The following ST6GALNAC3 variants were observed in gnomAD, a reference collection of about 807,000 sequenced individuals.
ST6GALNAC3 encodes alpha-N-acetylgalactosaminide alpha-2,6-sialyltransferase 3.
Under a neutral mutation model 32.7 loss-of-function variants are expected in ST6GALNAC3, and 25 were observed. The observed-to-expected ratio is 0.76, with a 90% CI of 0.56 to 1.07. ST6GALNAC3 has a LOEUF of 1.07. Ranked by LOEUF, ST6GALNAC3 falls within the 50% of genes least tolerant of loss-of-function variation. The pLI is 0.00. For synonymous variants in ST6GALNAC3, 129 were observed against 133.1 expected, an observed-to-expected ratio of 0.97 and a Z score of 0.21; for missense variants, 355 against 382.4, an observed-to-expected ratio of 0.93 and a Z score of 0.60.
intron 1 of ST6GALNAC3, among the ~76,000 whole-genome samples, chr1:76,095,667 A>G (rs1057358053): frequency 6.6e-6 from 1 of 152,212 alleles, no homozygotes; most frequent in African/African-American, 2.4e-5. Flanking sequence ...GCACTTAGCA[A>G]GTGTTCTATA....
At chr1:76,223,217 AG>A (rs1352377968) in intron 1 of ST6GALNAC3, among the ~76,000 whole-genome samples, 1 of 152,204 alleles carries the variant, frequency 6.6e-6, no homozygotes, top group African/African-American at 2.4e-5. Context: ...GCCATAAAAA[AG>A]AACAAGATCA....
chr1:76,583,076 A>T (rs1317449244), intron 3 of ST6GALNAC3, among the ~76,000 whole-genome samples: 2 of 152,174 alleles, frequency 1.3e-5, no homozygotes, highest in African/African-American at 4.8e-5. Context: ...TCAGAGTGCC[A>T]GCATACTCTG....
At chr1:76,383,725 G>A (rs1229182922) in intron 2 of ST6GALNAC3, among the ~76,000 whole-genome samples, 1 of 152,158 alleles carries the variant, frequency 6.6e-6, no homozygotes, top group Non-Finnish European at 1.5e-5. Flanking sequence ...ATAATGTCTA[G>A]TAAGATTAAA....
chr1:76,098,262 G>C (rs567977548), intron 1 of ST6GALNAC3, among the ~76,000 whole-genome samples: 1 of 152,136 alleles, frequency 6.6e-6, no homozygotes, highest in African/African-American at 2.4e-5. Context: ...ACATAGAAAG[G>C]CATAGTAACA....
At chr1:76,106,036 AC>A (rs1647508108) in intron 1 of ST6GALNAC3, among the ~76,000 whole-genome samples, 1 of 152,194 alleles carries the variant, frequency 6.6e-6, no homozygotes, top group Non-Finnish European at 1.5e-5. Flanking sequence ...GACATTAGGC[AC>A]TTTTCTTAAA....
chr1:76,465,692 T>C (rs1354703865), intron 3 of ST6GALNAC3, among the ~76,000 whole-genome samples: 4 of 152,038 alleles, frequency 2.6e-5, no homozygotes, highest in African/African-American at 9.7e-5. Context: ...TAGGAAAGAA[T>C]GGGATAGTAT....
At chr1:76,356,830 C>CCT (rs1248489725) in intron 2 of ST6GALNAC3, among the ~76,000 whole-genome samples, 1 of 152,118 alleles carries the variant, frequency 6.6e-6, no homozygotes, top group African/African-American at 2.4e-5. Flanking sequence ...AGCTGTTCTC[C>CCT]CTCTCTTTGA....
chr1:76,116,676 A>G (rs1209513033), intron 1 of ST6GALNAC3, among the ~76,000 whole-genome samples: 1 of 152,122 alleles, frequency 6.6e-6, no homozygotes, highest in Non-Finnish European at 1.5e-5. Context: ...CACACCTGTA[A>G]TCCCAGAACT....
intron 3 of ST6GALNAC3, among the ~76,000 whole-genome samples, chr1:76,567,103 T>C (rs1665599790): frequency 6.6e-6 from 1 of 152,204 alleles, no homozygotes; most frequent in Admixed American, 6.5e-5. Flanking sequence ...AGGATGTTAA[T>C]ATTTTCTTGT....
chr1:76,627,319 T>C (rs1019952675), intron 3 of ST6GALNAC3, 133 bp from the exon 4 acceptor site: 4 of 626,970 alleles, frequency 6.4e-6, no homozygotes, highest in Non-Finnish European at 1.1e-5. Flanking sequence ...TTGTCAAGTT[T>C]CTCAACTCTT....
chr1:76,437,245 A>T (rs1450539780), intron 3 of ST6GALNAC3, among the ~76,000 whole-genome samples: 1 of 152,146 alleles, frequency 6.6e-6, no homozygotes, highest in African/African-American at 2.4e-5. Context: ...AGCCCCATCT[A>T]ACAGAAGAGA....
chr1:76,084,225 T>C (rs1646935621), intron 1 of ST6GALNAC3, among the ~76,000 whole-genome samples: 1 of 152,236 alleles, frequency 6.6e-6, no homozygotes. Flanking sequence ...GCTGGACTCC[T>C]GGCAGCCAAA....
At chr1:76,515,603 A>G (rs1027560629) in intron 3 of ST6GALNAC3, among the ~76,000 whole-genome samples, 6 of 152,092 alleles carry the variant, frequency 3.9e-5, no homozygotes, top group Admixed American at 3.9e-4. Context: ...AAGTTTTGGT[A>G]TGATGTGTTT....
intron 1 of ST6GALNAC3, among the ~76,000 whole-genome samples, chr1:76,113,991 A>ATTTTTTTTTTTTTTT (rs754290749): frequency 8.0e-6 from 1 of 125,172 alleles, no homozygotes; most frequent in African/African-American, 3.2e-5. Context: ...CGCCCGGCTA[A>ATTTTTTTTTTTTTTT]TTTTTTTTTT....
intron 1 of ST6GALNAC3, among the ~76,000 whole-genome samples, chr1:76,110,973 T>C (rs927284152): frequency 6.6e-6 from 1 of 151,682 alleles, no homozygotes; most frequent in Non-Finnish European, 1.5e-5. Flanking sequence ...GAAAAGAAAA[T>C]AGAGGAGAAG....
At chr1:76,327,678 C>A (rs2100946139) in intron 2 of ST6GALNAC3, among the ~76,000 whole-genome samples, 1 of 152,304 alleles carries the variant, frequency 6.6e-6, no homozygotes, top group South Asian at 2.1e-4. Context: ...CAACCTCCAC[C>A]TCCTGGGTTG....
At chr1:76,344,336 A>AAACG (rs1356884084) in intron 2 of ST6GALNAC3, among the ~76,000 whole-genome samples, 1 of 152,172 alleles carries the variant, frequency 6.6e-6, no homozygotes, top group African/African-American at 2.4e-5. Context: ...TGATCTAAAG[A>AAACG]AACGCTTTTA....
At chr1:76,460,514 C>T (rs1658207845) in intron 3 of ST6GALNAC3, among the ~76,000 whole-genome samples, 1 of 152,142 alleles carries the variant, frequency 6.6e-6, no homozygotes, top group African/African-American at 2.4e-5. Context: ...CTGGTTTCAC[C>T]TGTCAAGAAA....
At chr1:76,552,444 G>A (rs1020585071) in intron 3 of ST6GALNAC3, among the ~76,000 whole-genome samples, 2 of 152,120 alleles carry the variant, frequency 1.3e-5, no homozygotes, top group Non-Finnish European at 2.9e-5. Flanking sequence ...CTTGAAGTGT[G>A]ATTATCTGTT....
Sources: gnomAD v4.1 joint callset for allele counts (sites outside exome capture counted in the v4.1 genomes callset) on GRCh38, gnomAD v4.1.1 for gene constraint, MANE v1.5 for transcripts, NCBI Gene and HGNC (gene_info 2026-07-23, HGNC 2026-07-21) for gene names.